Variants in DDX4 observed in about 807,000 individuals in gnomAD.
DDX4 encodes probable ATP-dependent RNA helicase DDX4.
Under a neutral mutation model 100.0 loss-of-function variants are expected in DDX4, and 25 were observed. That is an observed-to-expected ratio of 0.25 (90% CI 0.18 to 0.35). The LOEUF (loss-of-function observed/expected upper bound fraction) is 0.35. Ranked by LOEUF, DDX4 falls within the 10% of genes least tolerant of loss-of-function variation. The probability of loss-of-function intolerance (pLI) is 1.00; values close to 1 mark genes in which losing one functional copy is unlikely to be tolerated. For synonymous variants in DDX4, 259 were observed against 275.7 expected (o/e 0.94, Z 0.60); for missense variants, 635 against 882.4 (o/e 0.72, Z 3.55).
intron 9 of DDX4, among the ~76,000 whole-genome samples, chr5:55,781,604 C>A (rs938602429): frequency 6.6e-6 from 1 of 151,912 alleles, no homozygotes; most frequent in Non-Finnish European, 1.5e-5. Context: ...TGGCAAAACC[C>A]TATCTCTACT....
chr5:55,815,486 A>C (rs940164527), intron 21 of DDX4, 63 bp downstream of exon 21: 1 of 1,551,644 alleles, frequency 6.4e-7, no homozygotes, highest in African/African-American at 1.4e-5. Context: ...GTTGTGCTTA[A>C]TATTGTGAAG....
chr5:55,776,894 A>G (rs1275469072), intron 7 of DDX4, among the ~76,000 whole-genome samples: 1 of 152,222 alleles, frequency 6.6e-6, no homozygotes, highest in African/African-American at 2.4e-5. Flanking sequence ...TAAACTAGCA[A>G]TAATGACTAT....
chr5:55,816,078 G>A (rs936842357), intron 21 of DDX4, among the ~76,000 whole-genome samples: 26 of 151,886 alleles, frequency 1.7e-4, no homozygotes, highest in East Asian at 1.4e-3. Flanking sequence ...GAGCCACTGC[G>A]CCCAGCCACG....
At chr5:55,743,546 C>T (rs1365670146) in intron 2 of DDX4, among the ~76,000 whole-genome samples, 1 of 152,152 alleles carries the variant, frequency 6.6e-6, no homozygotes, top group East Asian at 1.9e-4. Context: ...TCTCCTGCCT[C>T]AGTCTCCTGA....
chr5:55,744,949 C>T (rs921385004), intron 2 of DDX4, among the ~76,000 whole-genome samples: 3 of 151,810 alleles, frequency 2.0e-5, no homozygotes, highest in Non-Finnish European at 4.4e-5. Flanking sequence ...GGCACGATCT[C>T]GGCTCACCAC....
At chr5:55,774,016 T>C (rs1429757988) in intron 7 of DDX4, among the ~76,000 whole-genome samples, 1 of 152,216 alleles carries the variant, frequency 6.6e-6, no homozygotes, top group African/African-American at 2.4e-5. Flanking sequence ...TTTGGAGAAA[T>C]GTCTTTCAGA....
chr5:55,782,035 T>G, intron 10 of DDX4, 54 bp downstream of exon 10: 3 of 1,598,278 alleles, frequency 1.9e-6, no homozygotes, highest in Non-Finnish European at 2.6e-6. Flanking sequence ...TATTCCAAAT[T>G]TAATTTTTTT....
chr5:55,786,793 T>G, intron 14 of DDX4, 123 bp downstream of exon 14: 1 of 735,030 alleles, frequency 1.4e-6, no homozygotes, highest in South Asian at 1.9e-5. Flanking sequence ...TCATAAGTAT[T>G]GATGGTTTTG....
chr5:55,768,099 C>T, intron 7 of DDX4, 159 bp downstream of exon 7: 1 of 663,710 alleles, frequency 1.5e-6, no homozygotes, highest in Admixed American at 2.6e-5. Context: ...AGTGAGTATT[C>T]AGTGGGTGCC....
chr5:55,803,486 C>T (rs1743467292), intron 18 of DDX4, among the ~76,000 whole-genome samples: 1 of 104,146 alleles, frequency 9.6e-6, no homozygotes, highest in African/African-American at 3.8e-5. Flanking sequence ...TCCCCCCACC[C>T]CACAACAGTC....
At chr5:55,741,341 A>G (rs1758971574) in intron 2 of DDX4, among the ~76,000 whole-genome samples, 1 of 152,206 alleles carries the variant, frequency 6.6e-6, no homozygotes, top group Non-Finnish European at 1.5e-5. Context: ...TGCTTAATAC[A>G]TTTGTGTTGG....
chr5:55,757,403 G>C (rs1760008920), intron 3 of DDX4, among the ~76,000 whole-genome samples: 1 of 152,080 alleles, frequency 6.6e-6, no homozygotes, highest in Non-Finnish European at 1.5e-5. Context: ...TAAGAATAAT[G>C]GTCTCCAATT....
At chr5:55,776,566 T>C (rs1741580546) in intron 7 of DDX4, among the ~76,000 whole-genome samples, 1 of 152,232 alleles carries the variant, frequency 6.6e-6, no homozygotes, top group Non-Finnish European at 1.5e-5. Context: ...GAACATTATA[T>C]TCACAACAGA....
intron 17 of DDX4, among the ~76,000 whole-genome samples, chr5:55,797,845 G>A (rs1284229739): frequency 6.6e-6 from 1 of 152,154 alleles, no homozygotes; most frequent in Non-Finnish European, 1.5e-5. Flanking sequence ...CTATGTCCCT[G>A]GGCCTTTCAT....
At chr5:55,745,773 T>C (rs555908900) in intron 2 of DDX4, among the ~76,000 whole-genome samples, 16 of 152,274 alleles carry the variant, frequency 1.1e-4, no homozygotes, top group Non-Finnish European at 1.6e-4. Flanking sequence ...AACTTTTACT[T>C]TAAGTCAGGT....
chr5:55,798,589 A>ATTTTTTT lies in DDX4; in HGVS notation c.1615+19_1615+25dup. The ATTTTTTT allele has an allele frequency of 6.4e-7, 1 of 1,559,172 alleles. No individual in the cohort carries two copies. On this transcript the variant is annotated intron_variant, in intron 18 of 21. Coordinates refer to ENST00000505374, the MANE Select transcript of DDX4 (RefSeq NM_024415.3). The stretch of plus-strand genomic sequence containing the variant: ...AAACATAGGTATCTTACGTTGATAC[A>ATTTTTTT]TTTTTTTGTCATGATTTTGATTTTT...
At chr5:55,751,967 T>G (rs997366248) in intron 3 of DDX4, among the ~76,000 whole-genome samples, 1 of 152,172 alleles carries the variant, frequency 6.6e-6, no homozygotes, top group Non-Finnish European at 1.5e-5. Context: ...GCCATATTTA[T>G]TTGAGTGTCA....
chr5:55,767,930 C>T lies in DDX4; in HGVS notation c.384C>T (p.Ser128=). 2 of 1,613,830 alleles carry T rather than the reference C, an allele frequency of 1.2e-6. No homozygotes were observed. Among genetic ancestry groups the T allele is most frequent in the South Asian group, 1.1e-5 (1 of 91,064 alleles). The change falls in exon 7 of 22, where the codon TCC becomes TCT. Residue 128 remains serine, a synonymous_variant. Transcript: ENST00000505374. The part of the protein sequence containing the change: ...EDNPTRNRGF[S]KRGGYRDGNN... ...ATCCAACACGGAACAGAGGGTTTTC[C>T]AAGAGAGGCGGTAAGGACCACATTT...
At chr5:55,779,372 A>G (rs1401468283) in intron 7 of DDX4, among the ~76,000 whole-genome samples, 1 of 152,230 alleles carries the variant, frequency 6.6e-6, no homozygotes, top group African/African-American at 2.4e-5. Flanking sequence ...CAAGTTTACA[A>G]ACGGAACAGT....
Sources: gnomAD v4.1 joint callset for allele counts (sites outside exome capture counted in the v4.1 genomes callset) on GRCh38, gnomAD v4.1.1 for gene constraint, MANE v1.5 for transcripts, NCBI Gene and HGNC (gene_info 2026-07-23, HGNC 2026-07-21) for gene names.